PPP1R21: variants seen among roughly 807,000 people sequenced by gnomAD.
PPP1R21 encodes the protein KLRAQ motif containing 1.
PPP1R21 carries 85 observed loss-of-function variants against 112.8 expected under a neutral mutation model. The ratio of observed to expected loss-of-function variants is 0.75; its 90% CI spans 0.63 to 0.90. PPP1R21 has a LOEUF of 0.90. Ranked by LOEUF, PPP1R21 falls within the 40% of genes least tolerant of loss-of-function variation. PPP1R21 has a pLI of 0.00. For synonymous variants in PPP1R21, 381 were observed against 322.3 expected (o/e 1.18, Z -1.95); for missense variants, 1,199 against 901.5 (o/e 1.33, Z -4.23).
intron 7 of PPP1R21, among the ~76,000 whole-genome samples, chr2:48,464,253 A>C (rs778806023): frequency 1.1e-4 from 17 of 152,188 alleles, no homozygotes; most frequent in Admixed American, 2.6e-4. Context: ...TGACTATGCC[A>C]CAGGAACATT....
At chr2:48,462,765 C>T (rs919521626) in intron 7 of PPP1R21, among the ~76,000 whole-genome samples, 5 of 152,082 alleles carry the variant, frequency 3.3e-5, no homozygotes, top group African/African-American at 1.2e-4. Flanking sequence ...CATCATGTTG[C>T]TATATGTGTA....
intron 19 of PPP1R21, 140 bp from the exon 20 acceptor site, chr2:48,509,875 G>A: frequency 1.7e-6 from 1 of 571,728 alleles, no homozygotes; most frequent in Non-Finnish European, 3.2e-6. Context: ...GTGACACAAT[G>A]CCTATAGGTA....
chr2:48,447,831 T>G (rs1667314967), intron 1 of PPP1R21, among the ~76,000 whole-genome samples: 1 of 152,096 alleles, frequency 6.6e-6, no homozygotes, highest in African/African-American at 2.4e-5. Flanking sequence ...GTGCCTATAA[T>G]CCCAGCTTCT....
chr2:48,469,552 T>G (rs147057249), intron 9 of PPP1R21, among the ~76,000 whole-genome samples: 1,632 of 106,844 alleles, frequency 0.015, 148 homozygotes, highest in East Asian at 0.069. Context: ...TATATATATA[T>G]AGAGAGAGAG....
chr2:48,512,536 C>G (rs1257639157), intron 21 of PPP1R21, among the ~76,000 whole-genome samples: 1 of 152,138 alleles, frequency 6.6e-6, no homozygotes, highest in Admixed American at 6.5e-5. Flanking sequence ...GATGAAGAAA[C>G]CATGGCTTTA....
intron 17 of PPP1R21, among the ~76,000 whole-genome samples, chr2:48,504,626 G>A (rs1002638138): frequency 3.3e-5 from 5 of 151,792 alleles, no homozygotes; most frequent in Non-Finnish European, 7.4e-5. Context: ...GGGCAACAGG[G>A]TGAGACTCTG....
At chr2:48,452,828 A>C (rs1287384711) in intron 2 of PPP1R21, among the ~76,000 whole-genome samples, 1 of 152,240 alleles carries the variant, frequency 6.6e-6, no homozygotes, top group Non-Finnish European at 1.5e-5. Flanking sequence ...TACTAAACAA[A>C]TGTAGGAAAA....
At chr2:48,510,832 A>G (rs905434681) in intron 20 of PPP1R21, among the ~76,000 whole-genome samples, 1 of 152,262 alleles carries the variant, frequency 6.6e-6, no homozygotes, top group Non-Finnish European at 1.5e-5. Flanking sequence ...TAATGAGGCC[A>G]TATGGCTTTT....
chr2:48,484,989 CTG>C (rs1291780146), intron 13 of PPP1R21, among the ~76,000 whole-genome samples: 1 of 150,040 alleles, frequency 6.7e-6, no homozygotes, highest in African/African-American at 2.5e-5. Flanking sequence ...ATAAAACTGT[CTG>C]TGATGTGTAG....
intron 15 of PPP1R21, among the ~76,000 whole-genome samples, chr2:48,493,283 G>T (rs1292749615): frequency 6.6e-6 from 1 of 152,122 alleles, no homozygotes; most frequent in Non-Finnish European, 1.5e-5. Context: ...GGGATTACAG[G>T]CGTGAGCCAC....
intron 15 of PPP1R21, among the ~76,000 whole-genome samples, chr2:48,492,766 G>C (rs1471890717): frequency 6.6e-6 from 1 of 152,194 alleles, no homozygotes; most frequent in African/African-American, 2.4e-5. Context: ...CTGGTTCAAA[G>C]TCTGTGAGTG....
At chr2:48,509,923 G>A (rs1196054157) in intron 19 of PPP1R21, 92 bp from the exon 20 acceptor site, 3 of 756,728 alleles carry the variant, frequency 4.0e-6, no homozygotes, top group Non-Finnish European at 6.5e-6. Flanking sequence ...AGTAGCTTTG[G>A]CTTTGAGAAG....
intron 12 of PPP1R21, among the ~76,000 whole-genome samples, chr2:48,475,730 C>T (rs1344934001): frequency 6.6e-6 from 1 of 152,000 alleles, no homozygotes; most frequent in Non-Finnish European, 1.5e-5. Context: ...GCCTGTAATC[C>T]CAGCTACTCG....
chr2:48,454,740 A>T lies in PPP1R21; in HGVS notation c.272A>T (p.Lys91Met). Residue 91 changes from lysine (K) to methionine (M), a missense_variant and splice_region_variant, in exon 3 of 22, where the codon AAG becomes ATG. Lys to Met is a moderately conservative substitution (Grantham distance 95). Coordinates refer to ENST00000294952, the MANE Select transcript of PPP1R21 (RefSeq NM_001135629.3). ...ALSEPRGKKNKKSGESSSQLS... is the reference protein window; with the variant it reads ...ALSEPRGKKNMKSGESSSQLS... ...AGTGAACCACGAGGCAAGAAAAACA[A>T]GGTAGGTTCAAATACAGGCAAGTTA... 6.2e-7 allele frequency: 1 copy of T among 1,613,258 alleles called. No individual in the cohort carries two copies. The highest frequency in any genetic ancestry group is 8.5e-7 in the Non-Finnish European group (1 of 1,179,156).
intron 13 of PPP1R21, among the ~76,000 whole-genome samples, chr2:48,484,742 C>G (rs1052175434): frequency 1.3e-5 from 2 of 152,180 alleles, no homozygotes; most frequent in African/African-American, 2.4e-5. Flanking sequence ...TCTTGAACTC[C>G]TGGCCTCCAG....
At chr2:48,486,586 CTT>C in intron 13 of PPP1R21, 43 bp from the exon 14 acceptor site, 1 of 1,443,596 alleles carries the variant, frequency 6.9e-7, no homozygotes, top group Non-Finnish European at 9.7e-7. Context: ...CTGTATGTGA[CTT>C]ATATATAGAT....
intron 3 of PPP1R21, among the ~76,000 whole-genome samples, chr2:48,455,142 AT>A (rs767494556): frequency 0.022 from 2,621 of 117,022 alleles, 63 homozygotes; most frequent in East Asian, 0.19. Flanking sequence ...CCGGCCCTGA[AT>A]TTTTTTTTTT....
At chr2:48,502,960 G>A (rs932839174) in intron 17 of PPP1R21, among the ~76,000 whole-genome samples, 4 of 152,212 alleles carry the variant, frequency 2.6e-5, no homozygotes, top group Non-Finnish European at 4.4e-5. Context: ...GATTACAGGT[G>A]TGAGCTGCCG....
In PPP1R21 at chr2:48,454,758, G is replaced by T. The variant is rs781310137; in HGVS notation, c.273+17G>T. On this transcript the variant is annotated intron_variant, in intron 3 of 21. Coordinates refer to ENST00000294952, the MANE Select transcript of PPP1R21 (RefSeq NM_001135629.3). ...AAAAACAAGGTAGGTTCAAATACAG[G>T]CAAGTTAGTGTGACCTTGTCGTTAG... 2 of 1,604,666 alleles carry T rather than the reference G, an allele frequency of 1.2e-6. No homozygotes were observed. The highest frequency in any genetic ancestry group is 1.7e-6 in the Non-Finnish European group (2 of 1,171,446).
Sources: allele counts gnomAD v4.1 joint callset (sites outside exome capture counted in the v4.1 genomes callset), GRCh38; gene constraint gnomAD v4.1.1; transcripts MANE v1.5; gene names NCBI Gene and HGNC (gene_info 2026-07-23, HGNC 2026-07-21).